The following RPA1 variants were observed in gnomAD, a reference collection of about 807,000 sequenced individuals.
The protein encoded by RPA1 is replication protein A 70 kDa DNA-binding subunit.
A neutral mutation model predicts 83.0 loss-of-function variants in RPA1; 49 were observed. The ratio of observed to expected loss-of-function variants is 0.59; its 90% confidence interval spans 0.47 to 0.75. The LOEUF (loss-of-function observed/expected upper bound fraction) is 0.75. RPA1 is among the 30% of genes least tolerant of loss of function. The pLI, the probability that RPA1 is intolerant of heterozygous loss-of-function variation, is 0.00. For synonymous variants in RPA1, 279 were observed against 281.8 expected, an observed-to-expected ratio of 0.99 and a Z score of 0.10; for missense variants, 693 against 776.1, an observed-to-expected ratio of 0.89 and a Z score of 1.27.
chr17:1,896,551 G>A (rs1268262487), intron 16 of RPA1, among the ~76,000 whole-genome samples: 1 of 152,122 alleles, frequency 6.6e-6, no homozygotes, highest in East Asian at 1.9e-4. Context: ...GGATTTTTGG[G>A]GCCATTCAGC....
Position 1,830,031 on chromosome 17 carries a change from G to A in RPA1, c.-63G>A, listed in dbSNP as rs1911462467. The A allele has an allele frequency of 4.0e-6, 5 of 1,243,532 alleles. No individual in the cohort carries two copies. The highest frequency in any genetic ancestry group is 1.5e-5 in the African/African-American group (1 of 64,524). 77.0% of individuals were successfully genotyped at this position (1,243,532 alleles called of 1,614,324 possible). A position where few individuals can be genotyped will look rare whatever the true frequency, so the allele number is the denominator to read the frequency against. ...TCGGGCCAATAACTGCGCAGCGCGC[G>A]GGACCCGGGTGGGGAAGCTGGAGCT... is the stretch of plus-strand genomic sequence containing the variant. On this transcript the variant is annotated 5_prime_UTR_variant, in exon 1 of 17. Transcript: ENST00000254719.
In RPA1 at chr17:1,898,067, G is replaced by A. The variant is rs1180112752; in HGVS notation, c.*892G>A. 1 of 152,146 alleles carries A rather than the reference G, an allele frequency of 6.6e-6. No homozygotes were observed. Among genetic ancestry groups the A allele is most frequent in the Non-Finnish European group, 1.5e-5 (1 of 68,016 alleles). 9.4% of individuals were successfully genotyped at this position (152,146 alleles called of 1,614,324 possible). ...TTAATAAACAGTATATTCTTTGGTT[G>A]TGAATCCTACTTTCTTTGAATGCAA... On this transcript the variant is annotated 3_prime_UTR_variant, in exon 17 of 17. Coordinates refer to ENST00000254719, the MANE Select transcript of RPA1 (RefSeq NM_002945.5).
At chr17:1,891,614 T>C (rs560614197) in intron 14 of RPA1, 4 of 308,316 alleles carry the variant, frequency 1.3e-5, no homozygotes. Flanking sequence ...GAGACGGAGT[T>C]TCACCATGTT....
intron 12 of RPA1, among the ~76,000 whole-genome samples, chr17:1,883,205 G>C (rs1913861613): frequency 6.6e-6 from 1 of 152,118 alleles, no homozygotes; most frequent in African/African-American, 2.4e-5. Context: ...TGCCCAGGCT[G>C]GAGTGCAATG....
At chr17:1,847,380 G>T (rs908941494) in intron 4 of RPA1, among the ~76,000 whole-genome samples, 3 of 152,192 alleles carry the variant, frequency 2.0e-5, no homozygotes, top group Non-Finnish European at 4.4e-5. Context: ...GTGTTGCTGG[G>T]ATTGAGTGCA....
At chr17:1,894,445 G>A (rs539540186) in intron 15 of RPA1, among the ~76,000 whole-genome samples, 1 of 152,294 alleles carries the variant, frequency 6.6e-6, no homozygotes, top group Non-Finnish European at 1.5e-5. Context: ...GGGATGACAG[G>A]TATGAGCCAC....
In RPA1 at chr17:1,877,331, C is replaced by CT; in HGVS notation, c.690+18dup. ...GACGAAAGTGTGAGTGTTTGTCATG[C>CT]TGGGGAGTGAGGGCAGTGGGCTCGC... On this transcript the variant is annotated intron_variant, in intron 8 of 16. Coordinates refer to ENST00000254719, the MANE Select transcript of RPA1 (RefSeq NM_002945.5). 6.2e-7 allele frequency: 1 copy of CT among 1,610,234 alleles called. No individual in the cohort carries two copies.
At chr17:1,865,971 T>C (rs1913160106) in intron 5 of RPA1, among the ~76,000 whole-genome samples, 1 of 152,048 alleles carries the variant, frequency 6.6e-6, no homozygotes. Flanking sequence ...CCAGGTGTGG[T>C]GGCCCCCGCC....
intron 4 of RPA1, among the ~76,000 whole-genome samples, chr17:1,849,289 C>CT (rs61062085): frequency 0.013 from 1,529 of 116,242 alleles, 60 homozygotes; most frequent in South Asian, 0.017. Flanking sequence ...GTTGGCTGTT[C>CT]TTTTTTTTTT....
chr17:1,860,471 C>T (rs1193209755), intron 5 of RPA1, among the ~76,000 whole-genome samples: 5 of 152,164 alleles, frequency 3.3e-5, no homozygotes, highest in African/African-American at 1.2e-4. Context: ...TATTGCTAGC[C>T]GTTCAAGTTC....
rs137881531 is a variant in RPA1 at position 1,849,758 on chromosome 17, G to A, written c.273-3343G>A. ...TGCAGTGTTGATCGTGGAAAAACGCGCAGTTTACCAGGTGCAGGTTTTATT... is the reference window on the plus strand; with the variant it reads ...TGCAGTGTTGATCGTGGAAAAACGCACAGTTTACCAGGTGCAGGTTTTATT... On this transcript the variant is annotated intron_variant, in intron 4 of 16. Coordinates refer to ENST00000254719, the MANE Select transcript of RPA1 (RefSeq NM_002945.5). Among the ~76,000 whole-genome samples the A allele has an allele frequency of 3.3e-5, 5 of 152,128 alleles. No homozygotes were observed. In the East Asian group the frequency reaches 9.6e-4, roughly 29 times the overall value.
intron 5 of RPA1, among the ~76,000 whole-genome samples, chr17:1,859,377 G>A (rs1375478376): frequency 6.6e-6 from 1 of 152,090 alleles, no homozygotes; most frequent in Non-Finnish European, 1.5e-5. Flanking sequence ...TACTTGTTCT[G>A]TCATTTACTG....
At chr17:1,875,922 CT>C (rs371878374) in intron 7 of RPA1, 129 bp downstream of exon 7, 87,999 of 536,748 alleles carry the variant, frequency 0.16, 5 homozygotes, top group Non-Finnish European at 0.18. Context: ...TGGGTTTACT[CT>C]TTTTTTTTTT....
intron 16 of RPA1, among the ~76,000 whole-genome samples, chr17:1,895,296 GGC>G: frequency 6.6e-6 from 1 of 151,654 alleles, no homozygotes; most frequent in East Asian, 1.9e-4. Flanking sequence ...TCGAAACAAT[GGC>G]GGGGGGGTGG....
Position 1,843,863 on chromosome 17 carries a change from C to T in RPA1, c.85-57C>T, listed in dbSNP as rs376663520. ...CCCACTCTCCTGCCACTTCGGTTTACGTATCCCTGGGGACGGGGCAGACAA... is the reference window on the plus strand; with the variant it reads ...CCCACTCTCCTGCCACTTCGGTTTATGTATCCCTGGGGACGGGGCAGACAA... On this transcript the variant is annotated intron_variant, in intron 2 of 16. Transcript: ENST00000254719. 500 of 1,451,504 alleles carry T rather than the reference C, an allele frequency of 3.4e-4. 1 individual carries two copies. The highest frequency in any genetic ancestry group is 8.0e-4 in the Middle Eastern group (4 of 4,974). 89.9% of individuals were successfully genotyped at this position (1,451,504 alleles called of 1,614,324 possible). A position where few individuals can be genotyped will look rare whatever the true frequency, so the allele number is the denominator to read the frequency against.
In RPA1 at chr17:1,884,171, A is replaced by G. The variant is rs1250981057; in HGVS notation, c.1374+227A>G. ...GACTGGAGGCAGGAGAGTCTGAAGA[A>G]CTCTTAGAGTCAATTCCTAGAGGGA... On this transcript the variant is annotated intron_variant, in intron 13 of 16. Transcript: ENST00000254719. This position sits in a 1 kb window ranked among gnomAD's most constrained non-coding sequence, Gnocchi z 4.1. 1.3e-5 allele frequency among the ~76,000 whole-genome samples: 2 copies of G among 152,090 alleles called. No individual in the cohort carries two copies. The highest frequency in any genetic ancestry group is 6.5e-5 in the Admixed American group (1 of 15,272).
chr17:1,888,124 C>A (rs1695897344), intron 13 of RPA1, among the ~76,000 whole-genome samples: 1 of 152,186 alleles, frequency 6.6e-6, no homozygotes. Flanking sequence ...GACCAAATGG[C>A]TGCTAAGGCC....
At chr17:1,885,037 T>A (rs1449628602) in intron 13 of RPA1, among the ~76,000 whole-genome samples, 1 of 152,142 alleles carries the variant, frequency 6.6e-6, no homozygotes, top group Non-Finnish European at 1.5e-5. Flanking sequence ...CACAAAAGCT[T>A]TCTCCATAGC....
intron 4 of RPA1, among the ~76,000 whole-genome samples, chr17:1,849,289 C>CTTTTTTTTTTTTT (rs61062085): frequency 4.3e-5 from 5 of 116,314 alleles, no homozygotes; most frequent in African/African-American, 1.4e-4. Flanking sequence ...GTTGGCTGTT[C>CTTTTTTTTTTTTT]TTTTTTTTTT....
Sources: gnomAD v4.1 joint callset for allele counts (sites outside exome capture counted in the v4.1 genomes callset) on GRCh38, gnomAD v4.1.1 for gene constraint, Gnocchi (gnomAD v3.1) non-coding constraint, MANE v1.5 for transcripts, NCBI Gene and HGNC (gene_info 2026-07-23, HGNC 2026-07-21) for gene names.